ACSL6: variants seen among roughly 807,000 people sequenced by gnomAD.
ACSL6 encodes long-chain-fatty-acid--CoA ligase 6.
In ACSL6, 47 loss-of-function variants were observed where a neutral mutation model predicts 98.2. The ratio of observed to expected loss-of-function variants is 0.48; its 90% CI spans 0.38 to 0.61. The LOEUF is 0.61. ACSL6 is among the 20% of genes least tolerant of loss of function. The pLI, the probability that ACSL6 is intolerant of heterozygous loss-of-function variation, is 0.00. For missense variants in ACSL6, 761 were observed against 913.4 expected, an observed-to-expected ratio of 0.83 and a Z score of 2.15; for synonymous variants, 362 against 336.9, an observed-to-expected ratio of 1.07 and a Z score of -0.82.
intron 9 of ACSL6, among the ~76,000 whole-genome samples, chr5:131,977,253 G>T (rs1408272163): frequency 6.6e-6 from 1 of 152,174 alleles, no homozygotes; most frequent in East Asian, 1.9e-4. Flanking sequence ...GGCAGAAATG[G>T]GACACAAATA....
chr5:131,987,373 G>A (rs888188750), intron 7 of ACSL6, among the ~76,000 whole-genome samples: 1 of 152,230 alleles, frequency 6.6e-6, no homozygotes, highest in Admixed American at 6.5e-5. Flanking sequence ...TGCTAGTGGG[G>A]CAGGTGGGGG....
intron 1 of ACSL6, among the ~76,000 whole-genome samples, chr5:132,002,225 T>G (rs998933913): frequency 6.6e-6 from 1 of 152,084 alleles, no homozygotes; most frequent in African/African-American, 2.4e-5. Flanking sequence ...GGAAGCCAAA[T>G]CCTGTGGCTG....
intron 9 of ACSL6, among the ~76,000 whole-genome samples, chr5:131,981,314 T>C (rs2126860284): frequency 7.6e-6 from 1 of 132,042 alleles, no homozygotes; most frequent in East Asian, 2.2e-4. Context: ...ACCTTCATAG[T>C]CAACTATTAA....
chr5:132,008,346 A>G (rs185005917), intron 1 of ACSL6, among the ~76,000 whole-genome samples: 6 of 152,314 alleles, frequency 3.9e-5, no homozygotes, highest in East Asian at 3.9e-4. Context: ...TGCCCTAGGC[A>G]TCTATAGCCA....
chr5:131,966,383 T>C, intron 17 of ACSL6, 33 bp downstream of exon 17: 1 of 1,607,870 alleles, frequency 6.2e-7, no homozygotes, highest in Non-Finnish European at 8.5e-7. Context: ...CACTGCCAAA[T>C]GTTTGGAGCT....
At chr5:131,987,759 C>T (rs1376775121) in intron 7 of ACSL6, among the ~76,000 whole-genome samples, 1 of 152,200 alleles carries the variant, frequency 6.6e-6, no homozygotes, top group Non-Finnish European at 1.5e-5. Context: ...GCTCCAGAGG[C>T]TGTGTGAGTA....
intron 1 of ACSL6, among the ~76,000 whole-genome samples, chr5:131,996,817 A>C (rs1173240953): frequency 6.6e-6 from 1 of 152,190 alleles, no homozygotes; most frequent in Non-Finnish European, 1.5e-5. Context: ...CCTGGGAAGG[A>C]CACATGAGGA....
At chr5:131,993,991 C>T (rs1189586103) in intron 2 of ACSL6, 40 bp downstream of exon 2, 1 of 1,597,100 alleles carries the variant, frequency 6.3e-7, no homozygotes, top group Non-Finnish European at 8.6e-7. Context: ...TGTCCTCTGC[C>T]CCCTACTTTC....
chr5:131,969,736 A>G (rs1195351167), intron 15 of ACSL6, among the ~76,000 whole-genome samples: 1 of 152,158 alleles, frequency 6.6e-6, no homozygotes, highest in Non-Finnish European at 1.5e-5. Context: ...AGGCCCTTTG[A>G]GAACTACGTT....
intron 16 of ACSL6, among the ~76,000 whole-genome samples, chr5:131,966,847 T>A (rs1753040533): frequency 6.6e-6 from 1 of 152,220 alleles, no homozygotes; most frequent in Non-Finnish European, 1.5e-5. Flanking sequence ...TCATCACAGA[T>A]ATTGATGGCT....
intron 1 of ACSL6, among the ~76,000 whole-genome samples, chr5:132,005,782 C>T (rs549995224): frequency 1.3e-3 from 192 of 152,306 alleles, no homozygotes; most frequent in African/African-American, 4.5e-3. Flanking sequence ...TGATCAGTCC[C>T]TTGGAATCCA....
In ACSL6 at chr5:131,959,516, A is replaced by T. The variant is rs368843508; in HGVS notation, c.2031+20T>A. 1.9e-6 allele frequency: 3 copies of T among 1,611,510 alleles called. No homozygotes were observed. The East Asian group carries it at 6.7e-5, about 36-fold the overall frequency. On this transcript the variant is annotated intron_variant, in intron 20 of 20. Coordinates refer to ENST00000651883, the MANE Select transcript of ACSL6 (RefSeq NM_001009185.3). ...CACTGCCTGAAGGGTTGTAACGAGTATGGGGAAGGTAACAGTTACCTGCTC... is the reference window on the plus strand; with the variant it reads ...CACTGCCTGAAGGGTTGTAACGAGTTTGGGGAAGGTAACAGTTACCTGCTC...
intron 15 of ACSL6, 182 bp from the exon 16 acceptor site, chr5:131,968,210 G>A: frequency 5.3e-6 from 3 of 560,810 alleles, no homozygotes; most frequent in Non-Finnish European, 9.5e-6. Flanking sequence ...GCTGGAGAAA[G>A]CAAAGGCCAA....
chr5:131,980,422 C>T (rs555596667), intron 9 of ACSL6, among the ~76,000 whole-genome samples: 2 of 152,320 alleles, frequency 1.3e-5, no homozygotes, highest in East Asian at 3.9e-4. Context: ...CATGGTAACT[C>T]AGCACTCCTG....
At chr5:132,000,479 G>A (rs776443816) in intron 1 of ACSL6, among the ~76,000 whole-genome samples, 2 of 152,072 alleles carry the variant, frequency 1.3e-5, no homozygotes, top group Middle Eastern at 3.2e-3. Flanking sequence ...AGGGGCTCTC[G>A]GGGGTCTCAC....
In ACSL6 at chr5:131,988,114, G is replaced by T; in HGVS notation, c.765C>A (p.Phe255Leu). ...GLKLIILMDP[F>L]EEALKERGQK... ...GCCCTCTCTCTTTCAGGGCTTCTTC[G>T]AATGGGTCCATGAGGATGATCAGCT... is the stretch of plus-strand genomic sequence containing the variant. The change falls in exon 7 of 21, where the codon TTC becomes TTA. Residue 255 changes from phenylalanine to leucine, a missense_variant. Coordinates refer to ENST00000651883, the MANE Select transcript of ACSL6 (RefSeq NM_001009185.3). 1 of 1,614,126 alleles carries T rather than the reference G, an allele frequency of 6.2e-7. No individual in the cohort carries two copies. The highest frequency in any genetic ancestry group is 8.5e-7 in the Non-Finnish European group (1 of 1,180,022).
chr5:131,964,143 G>A (rs1702610596), intron 17 of ACSL6, among the ~76,000 whole-genome samples: 1 of 152,086 alleles, frequency 6.6e-6, no homozygotes, highest in Admixed American at 6.5e-5. Flanking sequence ...CAAAAAAATG[G>A]GGAAAAAACC....
intron 1 of ACSL6, among the ~76,000 whole-genome samples, chr5:131,996,211 A>T (rs1754785324): frequency 6.6e-6 from 1 of 152,240 alleles, no homozygotes. Context: ...ACCATCCTGG[A>T]GGAACAACCC....
At chr5:131,969,788 A>C (rs941952711) in intron 15 of ACSL6, among the ~76,000 whole-genome samples, 1 of 152,126 alleles carries the variant, frequency 6.6e-6, no homozygotes, top group African/African-American at 2.4e-5. Context: ...GCAACCTCAA[A>C]AAGGAACAGC....
Sources: allele counts gnomAD v4.1 joint callset (sites outside exome capture counted in the v4.1 genomes callset), GRCh38; gene constraint gnomAD v4.1.1; transcripts MANE v1.5; gene names NCBI Gene and HGNC (gene_info 2026-07-23, HGNC 2026-07-21).